The following MALRD1 variants were observed in gnomAD, a reference collection of about 807,000 sequenced individuals.
MALRD1 encodes the protein MAM and LDL receptor class A domain containing 1.
MALRD1 carries 247 observed loss-of-function variants against 242.1 expected under a neutral mutation model. The ratio of observed to expected loss-of-function variants is 1.02; its 90% confidence interval spans 0.92 to 1.13. The LOEUF (loss-of-function observed/expected upper bound fraction) is 1.13, where lower values mean the gene tolerates loss of function less well. MALRD1 is among the 50% of genes most tolerant of loss of function. The probability of loss-of-function intolerance (pLI) is 0.00; values close to 1 mark genes in which losing one functional copy is unlikely to be tolerated. For synonymous variants in MALRD1, 995 were observed against 866.6 expected (o/e 1.15, Z -2.60); for missense variants, 2,989 against 2,533.1 (o/e 1.18, Z -3.86).
intron 21 of MALRD1, among the ~76,000 whole-genome samples, chr10:19,301,692 A>C (rs998516610): frequency 6.6e-6 from 1 of 151,718 alleles, no homozygotes; most frequent in Non-Finnish European, 1.5e-5. Context: ...GAAGGGAACA[A>C]CAGTCACCGG....
chr10:19,603,708 A>G (rs1838474554), intron 34 of MALRD1, among the ~76,000 whole-genome samples: 1 of 152,006 alleles, frequency 6.6e-6, no homozygotes, highest in African/African-American at 2.4e-5. Context: ...TTCTAACAGT[A>G]TATGCTCACT....
intron 36 of MALRD1, among the ~76,000 whole-genome samples, chr10:19,661,335 C>T (rs577829432): frequency 9.9e-5 from 15 of 152,076 alleles, no homozygotes; most frequent in Admixed American, 3.3e-4. Flanking sequence ...CACATGCACA[C>T]GTATGTTTAT....
chr10:19,680,979 T>C (rs935264837), intron 36 of MALRD1, among the ~76,000 whole-genome samples: 3 of 152,182 alleles, frequency 2.0e-5, no homozygotes, highest in Non-Finnish European at 2.9e-5. Context: ...CCTCCCGATA[T>C]CTTTTGGCTT....
chr10:19,188,722 A>G (rs1320030130), intron 14 of MALRD1, among the ~76,000 whole-genome samples: 1 of 152,172 alleles, frequency 6.6e-6, no homozygotes, highest in African/African-American at 2.4e-5. Context: ...AGCAACACCA[A>G]AGTCTAGAAG....
intron 35 of MALRD1, among the ~76,000 whole-genome samples, chr10:19,611,635 A>G (rs747331317): frequency 3.3e-5 from 5 of 151,960 alleles, no homozygotes; most frequent in Non-Finnish European, 7.4e-5. Flanking sequence ...CAGTTCCCAT[A>G]TTGGGAATTA....
At chr10:19,594,872 A>G (rs1838000470) in intron 33 of MALRD1, among the ~76,000 whole-genome samples, 1 of 152,112 alleles carries the variant, frequency 6.6e-6, no homozygotes, top group Admixed American at 6.6e-5. Context: ...AAGACTATAT[A>G]TCGGGTACAG....
rs552587232 is a variant in MALRD1, at chr10:19,476,748, T to TA, written c.5030-14767dup. Among the ~76,000 whole-genome samples the TA allele has an allele frequency of 3.1e-3, 476 of 152,308 alleles. 2 individuals carry two copies. The highest frequency in any genetic ancestry group is 0.011 in the African/African-American group (456 of 41,568). On this transcript the variant is annotated intron_variant, in intron 29 of 39. Coordinates refer to ENST00000454679, the MANE Select transcript of MALRD1 (RefSeq NM_001142308.3). ...TTTGGACACCATTCCAGGCTGCACA[T>TA]AATAGCACTTATTTTACAACACTCT...
chr10:19,330,390 C>T (rs778117758), intron 23 of MALRD1, among the ~76,000 whole-genome samples: 28 of 151,748 alleles, frequency 1.8e-4, no homozygotes, highest in Non-Finnish European at 3.2e-4. Context: ...AAATAATTGT[C>T]CAGAATTGGT....
intron 28 of MALRD1, among the ~76,000 whole-genome samples, chr10:19,432,521 A>T (rs1172676621): frequency 6.6e-6 from 1 of 152,210 alleles, no homozygotes; most frequent in Non-Finnish European, 1.5e-5. Context: ...TTGATTAAAT[A>T]AACACTTATT....
intron 36 of MALRD1, among the ~76,000 whole-genome samples, chr10:19,646,831 C>G (rs1387949536): frequency 6.6e-6 from 1 of 152,108 alleles, no homozygotes; most frequent in African/African-American, 2.4e-5. Context: ...ACATGTTTCA[C>G]TCTCATTTGT....
At chr10:19,509,782 A>G (rs1833309522) in intron 31 of MALRD1, among the ~76,000 whole-genome samples, 1 of 152,214 alleles carries the variant, frequency 6.6e-6, no homozygotes, top group African/African-American at 2.4e-5. Context: ...GACTATCAGA[A>G]GGATAATACC....
intron 21 of MALRD1, among the ~76,000 whole-genome samples, chr10:19,309,294 C>T (rs1044205943): frequency 1.3e-5 from 2 of 151,468 alleles, no homozygotes; most frequent in African/African-American, 4.8e-5. Context: ...TAAATAACAA[C>T]ACTCACCAAT....
Position 19,324,053 on chromosome 10 carries a change from G to A in MALRD1, c.3524G>A (p.Cys1175Tyr), listed in dbSNP as rs1294140249. ...TPIISLTGPK[C>Y]TLVFWTHMNG... ...ATCATTTCACTCACGGGACCAAAAT[G>A]TACCTTGGTGTTCTGGACACATATG... Residue 1175 changes from cysteine (C) to tyrosine (Y), a missense_variant, in exon 22 of 40, where the codon TGT becomes TAT. Physicochemically the swap from Cys to Tyr is radical, Grantham distance 194. Coordinates refer to ENST00000454679, the MANE Select transcript of MALRD1 (RefSeq NM_001142308.3). 1 of 1,550,498 alleles carries A rather than the reference G, an allele frequency of 6.4e-7. No homozygotes were observed. The highest frequency in any genetic ancestry group is 1.4e-5 in the African/African-American group (1 of 73,036).
intron 31 of MALRD1, among the ~76,000 whole-genome samples, chr10:19,521,188 C>G (rs561655155): frequency 6.6e-6 from 1 of 151,930 alleles, no homozygotes; most frequent in Non-Finnish European, 1.5e-5. Context: ...ATCTAGACAC[C>G]GTAATTTCTC....
chr10:19,458,892 T>TTA (rs35759245), intron 29 of MALRD1, among the ~76,000 whole-genome samples: 57 of 149,964 alleles, frequency 3.8e-4, no homozygotes, highest in African/African-American at 1.0e-3. Flanking sequence ...TATAGTTGAG[T>TTA]TATATATATA....
At chr10:19,642,548 G>A (rs183431580) in intron 36 of MALRD1, among the ~76,000 whole-genome samples, 21 of 152,198 alleles carry the variant, frequency 1.4e-4, no homozygotes, top group Admixed American at 5.9e-4. Context: ...TAGAATCACA[G>A]GGGGAAAAAT....
intron 22 of MALRD1, among the ~76,000 whole-genome samples, chr10:19,325,963 A>T (rs1442797871): frequency 1.3e-5 from 2 of 152,100 alleles, no homozygotes; most frequent in African/African-American, 4.8e-5. Flanking sequence ...GGCTATTGTT[A>T]TTCATTTTTC....
chr10:19,404,855 C>T (rs1303826369), intron 28 of MALRD1, among the ~76,000 whole-genome samples: 2 of 152,100 alleles, frequency 1.3e-5, no homozygotes, highest in Non-Finnish European at 2.9e-5. Context: ...TGGATATATC[C>T]ATTTGCATCT....
chr10:19,560,744 T>G (rs1835928804), intron 32 of MALRD1, among the ~76,000 whole-genome samples: 1 of 152,016 alleles, frequency 6.6e-6, no homozygotes, highest in South Asian at 2.1e-4. Flanking sequence ...TTCTCACTTA[T>G]AAGTGGGAGT....
Sources: allele counts gnomAD v4.1 joint callset (sites outside exome capture counted in the v4.1 genomes callset), GRCh38; gene constraint gnomAD v4.1.1; transcripts MANE v1.5; gene names NCBI Gene and HGNC (gene_info 2026-07-23, HGNC 2026-07-21).